The following PREPL variants were observed in gnomAD, a reference collection of about 807,000 sequenced individuals.
PREPL encodes the protein prolyl endopeptidase-like.
Under a neutral mutation model 70.6 loss-of-function variants are expected in PREPL, and 77 were observed. That is an observed-to-expected ratio of 1.09 (90% CI 0.91 to 1.32). PREPL has a LOEUF of 1.32. PREPL is among the 40% of genes most tolerant of loss of function. The pLI is 0.00. For missense variants in PREPL, 1,002 were observed against 778.2 expected (o/e 1.29, Z -3.42); for synonymous variants, 315 against 264.8 (o/e 1.19, Z -1.84).
At chr2:44,341,929 T>C (rs1675270398) in intron 5 of PREPL, among the ~76,000 whole-genome samples, 1 of 152,124 alleles carries the variant, frequency 6.6e-6, no homozygotes, top group African/African-American at 2.4e-5. Flanking sequence ...AATTCTTCTA[T>C]ATATTACTAA....
At chr2:44,321,635 C>G (rs1672955452) in intron 13 of PREPL, 190 bp from the exon 14 acceptor site, 3 of 1,493,910 alleles carry the variant, frequency 2.0e-6, no homozygotes, top group Non-Finnish European at 2.7e-6. Flanking sequence ...TAACAGAGCT[C>G]ACGTATCAAG....
At chr2:44,328,252 GA>G (rs1222121340) in intron 9 of PREPL, among the ~76,000 whole-genome samples, 1 of 128,972 alleles carries the variant, frequency 7.8e-6, no homozygotes, top group Non-Finnish European at 1.6e-5. Flanking sequence ...CTGGGCGACA[GA>G]GCAAGATTCT....
At chr2:44,325,032 T>C (rs974200078) in intron 10 of PREPL, among the ~76,000 whole-genome samples, 1 of 152,240 alleles carries the variant, frequency 6.6e-6, no homozygotes, top group South Asian at 2.1e-4. Flanking sequence ...TAACCAAGTA[T>C]AGTGAGTCAT....
chr2:44,346,567 T>C (rs1283728054), intron 1 of PREPL, among the ~76,000 whole-genome samples, 177 bp from the exon 2 acceptor site: 1 of 152,172 alleles, frequency 6.6e-6, no homozygotes, highest in Non-Finnish European at 1.5e-5. Context: ...AATAAAATGA[T>C]CTTTTTCGTT....
intron 8 of PREPL, among the ~76,000 whole-genome samples, chr2:44,329,480 T>G (rs934165995): frequency 6.6e-6 from 1 of 152,202 alleles, no homozygotes; most frequent in Non-Finnish European, 1.5e-5. Flanking sequence ...TATAGCACTC[T>G]TCCTATGCCT....
chr2:44,337,641 C>G (rs894489732), intron 7 of PREPL, among the ~76,000 whole-genome samples: 2 of 152,142 alleles, frequency 1.3e-5, no homozygotes, highest in African/African-American at 4.8e-5. Flanking sequence ...CATCCTCTTC[C>G]CTTCAGTGCC....
intron 10 of PREPL, among the ~76,000 whole-genome samples, chr2:44,324,661 T>A (rs1223270644): frequency 1.3e-5 from 2 of 152,154 alleles, no homozygotes; most frequent in Non-Finnish European, 2.9e-5. Context: ...GCAAATCACT[T>A]GAGCCCAGGA....
At chr2:44,347,887 A>G (rs1414441128) in intron 1 of PREPL, among the ~76,000 whole-genome samples, 1 of 152,246 alleles carries the variant, frequency 6.6e-6, no homozygotes, top group Non-Finnish European at 1.5e-5. Flanking sequence ...AAACACAAGA[A>G]TATAACGGAA....
rs188818041 is a variant in PREPL, at chr2:44,317,953, G to C, written c.*3403C>G. The C allele has an allele frequency of 1.5e-4, 40 of 262,252 alleles. No individual in the cohort carries two copies. The East Asian group carries it at 5.3e-3, about 34-fold the overall frequency. The allele number at this position is 262,252 out of a possible 1,614,324, so 16.2% of individuals were successfully genotyped here. ...CACAAAGAATTAAAATGAAGATATA[G>C]CAAGCAAATAATAGAAAGCTTGCAA... On this transcript the variant is annotated 3_prime_UTR_variant, in exon 14 of 14. Transcript: ENST00000409411.
rs1676467127 is a variant in PREPL, at chr2:44,351,771, C to T, written c.-48-5381G>A. 3.3e-5 allele frequency among the ~76,000 whole-genome samples: 5 copies of T among 152,148 alleles called. No individual in the cohort carries two copies. In the South Asian group the frequency reaches 1.0e-3, roughly 31 times the overall value. On this transcript the variant is annotated intron_variant, in intron 1 of 13. Transcript: ENST00000409411. The stretch of plus-strand genomic sequence containing the variant: ...TTCTCCCTTGGATTACTGCAAAAGC[C>T]CAAAAGCTTTCTCTGCTTCTGCGCT...
intron 11 of PREPL, 109 bp from the exon 12 acceptor site, chr2:44,322,963 T>C (rs1673129673): frequency 1.4e-6 from 2 of 1,416,938 alleles, no homozygotes; most frequent in African/African-American, 1.4e-5. Flanking sequence ...AAGTGCTCTA[T>C]GCTTTTTCTC....
chr2:44,336,146 T>C (rs917780147), intron 7 of PREPL, among the ~76,000 whole-genome samples: 2 of 152,190 alleles, frequency 1.3e-5, no homozygotes, highest in Admixed American at 6.5e-5. Flanking sequence ...GTTTGGGAAT[T>C]TCTCAAAGAA....
chr2:44,320,434 T>C lies in PREPL; in HGVS notation c.*922A>G. ...ATGATTTCGGGCCTTCCCGCTAAAA[T>C]GAGAATAAGGTTAAGTACCAATTCT... On this transcript the variant is annotated 3_prime_UTR_variant, in exon 14 of 14. Coordinates refer to ENST00000409411, the MANE Select transcript of PREPL (RefSeq NM_001171613.2). 2 of 1,614,114 alleles carry C rather than the reference T, an allele frequency of 1.2e-6. No individual in the cohort carries two copies. The highest frequency in any genetic ancestry group is 8.5e-7 in the Non-Finnish European group (1 of 1,179,962).
intron 7 of PREPL, among the ~76,000 whole-genome samples, chr2:44,333,720 G>T (rs1477615013): frequency 6.6e-6 from 1 of 152,182 alleles, no homozygotes; most frequent in Admixed American, 6.5e-5. Context: ...ATTGAGGGTT[G>T]TTTTAAAGGA....
chr2:44,322,574 C>T (rs1055045371), intron 12 of PREPL, among the ~76,000 whole-genome samples, 157 bp downstream of exon 12: 22 of 152,148 alleles, frequency 1.4e-4, no homozygotes, highest in African/African-American at 4.1e-4. Flanking sequence ...CATGTAGTTA[C>T]GTACACTTTA....
intron 7 of PREPL, among the ~76,000 whole-genome samples, chr2:44,333,680 CT>C (rs1270333827): frequency 2.6e-5 from 4 of 152,058 alleles, no homozygotes; most frequent in African/African-American, 9.7e-5. Flanking sequence ...CATCTGCAAT[CT>C]CTAAAAGCTC....
intron 6 of PREPL, among the ~76,000 whole-genome samples, chr2:44,338,942 C>A (rs191839916): frequency 3.3e-5 from 5 of 152,284 alleles, no homozygotes; most frequent in African/African-American, 1.2e-4. Context: ...AAACTCAGGA[C>A]AGAATATGTT....
In PREPL at chr2:44,319,783, GAACA is replaced by G. The variant is rs558593497; in HGVS notation, c.*1569_*1572del. ...AACCTACACATTAGTCTACAAAGGG[GAACA>G]AACCCAAATTCCTCAGAAGTCTGAG... On this transcript the variant is annotated 3_prime_UTR_variant, in exon 14 of 14. Coordinates refer to ENST00000409411, the MANE Select transcript of PREPL (RefSeq NM_001171613.2). The G allele has an allele frequency of 1.1e-5, 2 of 177,882 alleles. No homozygotes were observed. Among genetic ancestry groups the G allele is most frequent in the South Asian group, 2.6e-4 (2 of 7,822 alleles). 11.0% of individuals were successfully genotyped at this position (177,882 alleles called of 1,614,324 possible).
chr2:44,344,857 C>G (rs1350937072), intron 2 of PREPL, among the ~76,000 whole-genome samples: 4 of 152,196 alleles, frequency 2.6e-5, no homozygotes, highest in Admixed American at 6.5e-5. Flanking sequence ...TCAGTTCTCA[C>G]AACTGTACAA....
Sources: allele counts gnomAD v4.1 joint callset (sites outside exome capture counted in the v4.1 genomes callset), GRCh38; gene constraint gnomAD v4.1.1; transcripts MANE v1.5; gene names NCBI Gene and HGNC (gene_info 2026-07-23, HGNC 2026-07-21).